The following DNAH8 variants were observed in gnomAD, a reference collection of about 807,000 sequenced individuals.
The protein encoded by DNAH8 is dynein axonemal heavy chain 8.
A neutral mutation model predicts 562.1 loss-of-function variants in DNAH8; 382 were observed. That is an observed-to-expected ratio of 0.68 (90% CI 0.63 to 0.74). DNAH8 has a LOEUF of 0.74. Ranked by LOEUF, DNAH8 falls within the 30% of genes least tolerant of loss-of-function variation. DNAH8 has a pLI of 0.00. For missense variants in DNAH8, 5,203 were observed against 5,620.4 expected, an observed-to-expected ratio of 0.93 and a Z score of 2.37; for synonymous variants, 1,881 against 1,919.4, an observed-to-expected ratio of 0.98 and a Z score of 0.52.
Position 38,967,993 on chromosome 6 carries a change from ATAT to A in DNAH8, c.12452-3595_12452-3593del, listed in dbSNP as rs1418013377. ...GTCCAGAAATAAACCCAGCCCTCAC[ATAT>A]TATGGTGAGTTGGTTCTCAACAAGG... On this transcript the variant is annotated intron_variant, in intron 82 of 92. Transcript: ENST00000327475. 2.6e-5 allele frequency among the ~76,000 whole-genome samples: 4 copies of A among 152,306 alleles called. No homozygotes were observed. The East Asian group carries it at 7.7e-4, about 29-fold the overall frequency.
chr6:38,783,071 A>G lies in DNAH8; in HGVS notation c.2327A>G (p.Tyr776Cys), dbSNP rs747862687. ...AVIRQYNKIS[Y>C]VLVEFEVVYH... ...ATCCGTCAGTATAACAAGATCTCCT[A>G]TGTGCTGGTGGAATTCGAGGTGGTC... The change falls in exon 17 of 93, where the codon TAT becomes TGT. Residue 776 changes from tyrosine (Y) to cysteine (C), a missense_variant. Tyr to Cys is a radical substitution (Grantham distance 194). Transcript: ENST00000327475. 3.7e-6 allele frequency: 6 copies of G among 1,613,874 alleles called. No individual in the cohort carries two copies. The highest frequency in any genetic ancestry group is 5.1e-6 in the Non-Finnish European group (6 of 1,179,776).
chr6:38,790,947 T>G (rs894254859), intron 20 of DNAH8, among the ~76,000 whole-genome samples: 4 of 152,208 alleles, frequency 2.6e-5, no homozygotes, highest in Admixed American at 6.5e-5. Flanking sequence ...ATGGTTCAAC[T>G]TCACACTGTA....
chr6:38,948,340 TA>T (rs1249510178), intron 80 of DNAH8, among the ~76,000 whole-genome samples: 2 of 152,124 alleles, frequency 1.3e-5, no homozygotes, highest in African/African-American at 4.8e-5. Flanking sequence ...TTAATTTTTT[TA>T]TTTTTTTGTT....
chr6:38,755,862 T>A, intron 9 of DNAH8, 110 bp from the exon 10 acceptor site: 1 of 674,244 alleles, frequency 1.5e-6, no homozygotes, highest in African/African-American at 1.8e-5. Context: ...GACTTTAAGC[T>A]AAAAATGCTA....
At chr6:38,887,639 C>T (rs1432158944) in intron 57 of DNAH8, among the ~76,000 whole-genome samples, 1 of 151,940 alleles carries the variant, frequency 6.6e-6, no homozygotes, top group Non-Finnish European at 1.5e-5. Flanking sequence ...CCTAGGAGGT[C>T]AAGGCTGCAG....
At chr6:38,955,910 C>T (rs1243976507) in intron 82 of DNAH8, among the ~76,000 whole-genome samples, 2 of 152,186 alleles carry the variant, frequency 1.3e-5, no homozygotes, top group East Asian at 3.9e-4. Context: ...AATTGTGCTT[C>T]CAGGTTCAAG....
chr6:38,882,856 G>A, intron 53 of DNAH8, 54 bp from the exon 54 acceptor site: 1 of 1,251,422 alleles, frequency 8.0e-7, no homozygotes, highest in Non-Finnish European at 1.1e-6. Context: ...TGTATTATGA[G>A]ATAACTTTCA....
intron 10 of DNAH8, among the ~76,000 whole-genome samples, chr6:38,757,329 G>T (rs1400358337): frequency 6.7e-6 from 1 of 148,934 alleles, no homozygotes; most frequent in Non-Finnish European, 1.5e-5. Flanking sequence ...CTTTTGAGAA[G>T]TGTCTGTTCA....
intron 73 of DNAH8, 54 bp from the exon 74 acceptor site, chr6:38,926,001 A>C: frequency 6.8e-7 from 1 of 1,473,448 alleles, no homozygotes. Context: ...TTAATTACTA[A>C]TGAGGGCATT....
At chr6:38,880,723 A>G (rs975269105) in intron 53 of DNAH8, among the ~76,000 whole-genome samples, 5 of 152,172 alleles carry the variant, frequency 3.3e-5, no homozygotes, top group African/African-American at 7.2e-5. Flanking sequence ...CGTCAGGGAA[A>G]TGCAAATTAA....
intron 48 of DNAH8, among the ~76,000 whole-genome samples, chr6:38,869,471 TA>T (rs1249815051): frequency 6.6e-6 from 1 of 152,058 alleles, no homozygotes; most frequent in Non-Finnish European, 1.5e-5. Flanking sequence ...CCTAGACAAG[TA>T]CTCAAGAAAG....
intron 14 of DNAH8, among the ~76,000 whole-genome samples, chr6:38,779,059 A>G (rs1474383037): frequency 1.3e-5 from 2 of 151,998 alleles, no homozygotes. Flanking sequence ...CTTTCCCTCT[A>G]TCCTAACAGC....
chr6:38,860,633 G>T lies in DNAH8; in HGVS notation c.6131+4G>T. The T allele has an allele frequency of 1.3e-6, 2 of 1,499,554 alleles. No individual in the cohort carries two copies. Among genetic ancestry groups the T allele is most frequent in the South Asian group, 1.4e-5 (1 of 70,724 alleles). The allele number at this position is 1,499,554 out of a possible 1,614,324, so 92.9% of individuals were successfully genotyped here. A position where few individuals can be genotyped will look rare whatever the true frequency, so the allele number is the denominator to read the frequency against. On this transcript the variant is annotated splice_donor_region_variant and intron_variant, in intron 43 of 92. Transcript: ENST00000327475. ...TTATCACTCCATTAACAGATAGGTAGGAAACCCAGTTTTCGTTTTTTATTT... is the reference window on the plus strand; with the variant it reads ...TTATCACTCCATTAACAGATAGGTATGAAACCCAGTTTTCGTTTTTTATTT...
chr6:38,901,723 A>C (rs757878720), intron 62 of DNAH8, among the ~76,000 whole-genome samples: 9 of 152,222 alleles, frequency 5.9e-5, no homozygotes, highest in Non-Finnish European at 1.2e-4. Flanking sequence ...CAAACACACA[A>C]ATCATTCTGC....
chr6:38,896,137 ACT>A lies in DNAH8; in HGVS notation c.8853_8854del (p.Phe2952CysfsTer6). 6.2e-7 allele frequency: 1 copy of A among 1,613,780 alleles called. No homozygotes were observed. The highest frequency in any genetic ancestry group is 1.7e-5 in the Admixed American group (1 of 59,980). ...GCGTCGTGTATTCTTCCTGAACCAT[ACT>A]TTGTGGATTTTCTTCGTGAGATGCC... On this transcript the variant is annotated frameshift_variant, in exon 60 of 93. Transcript: ENST00000327475. LOFTEE classifies it high-confidence loss of function.
intron 11 of DNAH8, among the ~76,000 whole-genome samples, chr6:38,769,251 G>A (rs1181150968): frequency 6.6e-6 from 1 of 152,042 alleles, no homozygotes; most frequent in African/African-American, 2.4e-5. Context: ...TTAAGTTCTG[G>A]GATACATGTG....
At chr6:38,774,190 T>A (rs916576739) in intron 12 of DNAH8, among the ~76,000 whole-genome samples, 1 of 152,170 alleles carries the variant, frequency 6.6e-6, no homozygotes, top group African/African-American at 2.4e-5. Flanking sequence ...ATCTTCAGTT[T>A]TGTTTTCTTC....
rs971203740 is a variant in DNAH8, at chr6:38,854,824, A to G, written c.5733+1477A>G. 3.3e-5 allele frequency among the ~76,000 whole-genome samples: 5 copies of G among 150,288 alleles called. No individual in the cohort carries two copies. The East Asian group carries it at 9.7e-4, about 29-fold the overall frequency. On this transcript the variant is annotated intron_variant, in intron 41 of 92. Coordinates refer to ENST00000327475, the MANE Select transcript of DNAH8 (RefSeq NM_001206927.2). ...TAGTTTTCAGGATTTTCTCTAGTGT[A>G]TGTGTGTATATATATATGAACATAT...
chr6:38,898,461 ATAAC>A lies in DNAH8; in HGVS notation c.9063+84_9063+87del. On this transcript the variant is annotated intron_variant, in intron 61 of 92. Coordinates refer to ENST00000327475, the MANE Select transcript of DNAH8 (RefSeq NM_001206927.2). The stretch of plus-strand genomic sequence containing the variant: ...TTTCATAGATAAATTTTTTGAGAGA[ATAAC>A]TATATACTATCAGGTACCGTATAGA... 2.4e-6 allele frequency: 3 copies of A among 1,226,944 alleles called. No individual in the cohort carries two copies. In the African/African-American group the frequency reaches 4.7e-5, roughly 19 times the overall value. The allele number at this position is 1,226,944 out of a possible 1,614,324, so 76.0% of individuals were successfully genotyped here. A position where few individuals can be genotyped will look rare whatever the true frequency, so the allele number is the denominator to read the frequency against.
Sources: gnomAD v4.1 joint callset for allele counts (sites outside exome capture counted in the v4.1 genomes callset) on GRCh38, gnomAD v4.1.1 for gene constraint, MANE v1.5 for transcripts, NCBI Gene and HGNC (gene_info 2026-07-23, HGNC 2026-07-21) for gene names.